Variants in YME1L1 observed in about 807,000 individuals in gnomAD.
YME1L1 encodes the protein YME1 like 1 ATPase.
Under a neutral mutation model 90.4 loss-of-function variants are expected in YME1L1, and 39 were observed. That is an observed-to-expected ratio of 0.43 (90% CI 0.33 to 0.56). The LOEUF (loss-of-function observed/expected upper bound fraction) is 0.56. Ranked by LOEUF, YME1L1 falls within the 20% of genes least tolerant of loss-of-function variation. YME1L1 has a pLI of 0.03. For missense variants in YME1L1, 617 were observed against 868.4 expected (o/e 0.71, Z 3.64); for synonymous variants, 284 against 287.3 (o/e 0.99, Z 0.12).
chr10:27,130,489 A>C (rs548082156), intron 8 of YME1L1, among the ~76,000 whole-genome samples: 1 of 152,276 alleles, frequency 6.6e-6, no homozygotes, highest in East Asian at 1.9e-4. Flanking sequence ...TTTCATTCGT[A>C]TCTCTCACAC....
At chr10:27,120,155 A>T (rs999488986) in intron 13 of YME1L1, among the ~76,000 whole-genome samples, 1 of 151,610 alleles carries the variant, frequency 6.6e-6, no homozygotes, top group African/African-American at 2.4e-5. Flanking sequence ...CATTCATCTT[A>T]AAAAAATGTG....
chr10:27,152,321 C>T (rs2057229389), intron 1 of YME1L1, among the ~76,000 whole-genome samples: 1 of 152,198 alleles, frequency 6.6e-6, no homozygotes, highest in South Asian at 2.1e-4. Flanking sequence ...AGTTCATTTT[C>T]TGTGTCTTCC....
chr10:27,145,362 A>T (rs2135898073), intron 3 of YME1L1, 66 bp downstream of exon 3: 1 of 1,329,528 alleles, frequency 7.5e-7, no homozygotes, highest in East Asian at 2.5e-5. Context: ...GAAAGCTAAG[A>T]AATGGTATCT....
intron 3 of YME1L1, among the ~76,000 whole-genome samples, chr10:27,144,042 G>A (rs888430549): frequency 1.3e-5 from 2 of 152,118 alleles, no homozygotes; most frequent in Admixed American, 1.3e-4. Flanking sequence ...GTCTCAGTTA[G>A]AATTTAGGGA....
At chr10:27,147,722 C>A in intron 2 of YME1L1, 13 of 1,546,316 alleles carry the variant, frequency 8.4e-6, no homozygotes, top group South Asian at 1.2e-5. Context: ...TTAGCAAGTT[C>A]CTGTCTGTAA....
intron 8 of YME1L1, among the ~76,000 whole-genome samples, chr10:27,131,198 C>T (rs1027507237): frequency 2.0e-5 from 3 of 152,200 alleles, no homozygotes; most frequent in African/African-American, 4.8e-5. Flanking sequence ...ATCCTCTTTA[C>T]CCTGCTCTAC....
chr10:27,113,772 T>C (rs930220094), intron 18 of YME1L1, among the ~76,000 whole-genome samples: 2 of 151,282 alleles, frequency 1.3e-5, no homozygotes, highest in African/African-American at 4.9e-5. Context: ...GGAGGTTGAC[T>C]TGAGCCCAGG....
At chr10:27,133,273 A>G (rs1013429166) in intron 7 of YME1L1, among the ~76,000 whole-genome samples, 2 of 152,222 alleles carry the variant, frequency 1.3e-5, no homozygotes, top group African/African-American at 4.8e-5. Flanking sequence ...TAGGAGAGTA[A>G]AATATTTGAG....
At chr10:27,125,316 T>C (rs925999367) in intron 9 of YME1L1, among the ~76,000 whole-genome samples, 1 of 152,064 alleles carries the variant, frequency 6.6e-6, no homozygotes, top group South Asian at 2.1e-4. Flanking sequence ...ATGTTAACCA[T>C]GAGAAAACAT....
rs960182690 is a variant in YME1L1 at position 27,137,339 on chromosome 10, A to G, written c.431-954T>C. Among the ~76,000 whole-genome samples, 10 of 152,326 alleles carry G rather than the reference A, an allele frequency of 6.6e-5. No individual in the cohort carries two copies. In the South Asian group the frequency reaches 1.7e-3, roughly 25 times the overall value. ...AGTGCATTCAGTTTAATGGCTGTTT[A>G]CACTTTTCCAATTTATCACAGTGCA... On this transcript the variant is annotated intron_variant, in intron 4 of 18. Transcript: ENST00000376016.
chr10:27,126,103 AT>A (rs540522343), intron 9 of YME1L1, among the ~76,000 whole-genome samples: 22 of 152,224 alleles, frequency 1.4e-4, no homozygotes, highest in African/African-American at 4.3e-4. Flanking sequence ...TTTACAAATA[AT>A]TTTTATATTT....
intron 8 of YME1L1, among the ~76,000 whole-genome samples, chr10:27,127,351 TA>T (rs1169382292): frequency 3.9e-5 from 6 of 152,176 alleles, no homozygotes; most frequent in Admixed American, 6.5e-5. Flanking sequence ...CTTTTCAGAG[TA>T]TTTAAAAAAA....
At chr10:27,137,782 C>T (rs139385289) in intron 4 of YME1L1, among the ~76,000 whole-genome samples, 284 of 152,168 alleles carry the variant, frequency 1.9e-3, no homozygotes, top group Middle Eastern at 6.8e-3. Flanking sequence ...ATGTCCTTTG[C>T]ACATTTTTCC....
intron 10 of YME1L1, among the ~76,000 whole-genome samples, chr10:27,123,289 A>G (rs1743900176): frequency 6.6e-6 from 1 of 152,058 alleles, no homozygotes; most frequent in South Asian, 2.1e-4. Flanking sequence ...AAAAAACACT[A>G]AGAGATTTTT....
chr10:27,153,094 C>A (rs1564472253), intron 1 of YME1L1: 1 of 446,684 alleles, frequency 2.2e-6, no homozygotes, highest in Non-Finnish European at 4.6e-6. Flanking sequence ...CCTGCTAAAC[C>A]CTTTCCTAAC....
At chr10:27,150,224 T>A (rs781443527) in intron 1 of YME1L1, among the ~76,000 whole-genome samples, 9 of 152,110 alleles carry the variant, frequency 5.9e-5, no homozygotes, top group Non-Finnish European at 1.0e-4. Context: ...ACTTAATAAA[T>A]ATTTGTTGAG....
intron 1 of YME1L1, among the ~76,000 whole-genome samples, chr10:27,152,304 A>G (rs2057229166): frequency 3.3e-5 from 5 of 152,200 alleles, no homozygotes; most frequent in Admixed American, 2.6e-4. Context: ...GCTCTTCTCA[A>G]TGAAAAAGTT....
rs150116466 is a variant in YME1L1, at chr10:27,110,716, T to G, written c.*1261A>C. On this transcript the variant is annotated 3_prime_UTR_variant, in exon 19 of 19. Transcript: ENST00000376016. ...TTGCTTTTGAAACCAAGCACAGTTA[T>G]AGTCAAAATGAGGGACATTATTCAG... 500 of 152,288 alleles carry G rather than the reference T, an allele frequency of 3.3e-3. 1 individual carries two copies. Among genetic ancestry groups the G allele is most frequent in the African/African-American group, 0.011 (463 of 41,558 alleles). The allele number at this position is 152,288 out of a possible 1,614,324, so 9.4% of individuals were successfully genotyped here.
intron 8 of YME1L1, among the ~76,000 whole-genome samples, chr10:27,128,215 A>C (rs1321164951): frequency 6.6e-6 from 1 of 152,178 alleles, no homozygotes; most frequent in African/African-American, 2.4e-5. Context: ...ATTCCTATAC[A>C]AGCTCTTTGA....
Sources: gnomAD v4.1 joint callset for allele counts (sites outside exome capture counted in the v4.1 genomes callset) on GRCh38, gnomAD v4.1.1 for gene constraint, MANE v1.5 for transcripts, NCBI Gene and HGNC (gene_info 2026-07-23, HGNC 2026-07-21) for gene names.